Variants in NAV1 observed in about 807,000 individuals in gnomAD.
NAV1 encodes the protein pore membrane and/or filament interacting like protein 3.
NAV1 carries 18 observed loss-of-function variants against 175.2 expected under a neutral mutation model. The observed-to-expected ratio is 0.10, with a 90% CI of 0.07 to 0.15. The LOEUF (loss-of-function observed/expected upper bound fraction) is 0.15. Ranked by LOEUF, NAV1 falls within the 10% of genes least tolerant of loss-of-function variation. The pLI, the probability that NAV1 is intolerant of heterozygous loss-of-function variation, is 1.00. For missense variants in NAV1, 1,731 were observed against 2,436.6 expected (o/e 0.71, Z 6.10); for synonymous variants, 897 against 978.7 (o/e 0.92, Z 1.56).
intron 3 of NAV1, among the ~76,000 whole-genome samples, chr1:201,779,384 G>A (rs1415718520): frequency 1.3e-5 from 2 of 151,428 alleles, no homozygotes; most frequent in East Asian, 3.9e-4. Flanking sequence ...TTGAGGTCAG[G>A]GGTTCAAGAC....
intron 3 of NAV1, among the ~76,000 whole-genome samples, chr1:201,751,687 T>C (rs1396335942): frequency 6.6e-6 from 1 of 152,246 alleles, no homozygotes; most frequent in African/African-American, 2.4e-5. Context: ...CAAAAATGTT[T>C]GGTAAAGCTG....
chr1:201,804,622 C>T (rs920967973), intron 17 of NAV1, 125 bp downstream of exon 21: 11 of 884,358 alleles, frequency 1.2e-5, no homozygotes, highest in African/African-American at 3.5e-5. Flanking sequence ...ACTCATAACA[C>T]TAACTGTAAC....
rs115717100 is a variant in NAV1 at position 201,753,648 on chromosome 1, G to A, written c.1227-26773G>A. Among the ~76,000 whole-genome samples the A allele has an allele frequency of 2.2e-3, 332 of 152,250 alleles. 4 individuals carry two copies. Among genetic ancestry groups the A allele is most frequent in the African/African-American group, 7.9e-3 (329 of 41,554 alleles). On this transcript the variant is annotated intron_variant, in intron 3 of 29. Coordinates refer to ENST00000367296, the Ensembl canonical transcript of NAV1. ...TTCCACAGAAATGACAAGGCTTCAGGCTCTCAAGAAGCTCTCATCATGAGA... is the reference window on the plus strand; with the variant it reads ...TTCCACAGAAATGACAAGGCTTCAGACTCTCAAGAAGCTCTCATCATGAGA...
At chr1:201,713,675 C>T (rs1448050639) in intron 2 of NAV1, among the ~76,000 whole-genome samples, 1 of 152,096 alleles carries the variant, frequency 6.6e-6, no homozygotes, top group Non-Finnish European at 1.5e-5. Flanking sequence ...CTGGGGACAG[C>T]GGGAGGCAGA....
chr1:201,593,311 G>T (rs563352197), intron 2 of NAV1, among the ~76,000 whole-genome samples: 1 of 152,158 alleles, frequency 6.6e-6, no homozygotes, highest in East Asian at 1.9e-4. Flanking sequence ...GGGTCCTCGG[G>T]CCTCAATCCA....
intron 3 of NAV1, among the ~76,000 whole-genome samples, chr1:201,720,725 T>C (rs894612351): frequency 1.3e-5 from 2 of 152,354 alleles, no homozygotes; most frequent in Middle Eastern, 6.8e-3. Context: ...TGGGTTAATA[T>C]ATGTAAAGTA....
Position 201,813,204 on chromosome 1 carries a change from G to A in NAV1, c.5286G>A (p.Leu1762=), listed in dbSNP as rs1191872929. The A allele has an allele frequency of 2.5e-6, 4 of 1,614,032 alleles. No homozygotes were observed. Among genetic ancestry groups the A allele is most frequent in the Non-Finnish European group, 3.4e-6 (4 of 1,180,022 alleles). ...ACTTCCGGACCTGGTTCATTGACCT[G>A]TGGAACAACTCTATCATTCCCTATC... Residue 1762 remains leucine (L), a synonymous_variant, in exon 28 of 30, where the codon CTG becomes CTA. Transcript: ENST00000367296. The surrounding 1 kb of genome is among the most constrained non-coding windows in gnomAD (Gnocchi z 4.2).
In NAV1 at chr1:201,734,173, T is replaced by C. The variant is rs193262123; in HGVS notation, c.1226+15418T>C. ...CTCTCATCCTAGCCCTTTGGAAGGC[T>C]TAGGCGGGCGGATTGCTTGAGCCCA... On this transcript the variant is annotated intron_variant, in intron 3 of 29. Coordinates refer to ENST00000367296, the Ensembl canonical transcript of NAV1. 5.9e-4 allele frequency among the ~76,000 whole-genome samples: 89 copies of C among 152,078 alleles called. 2 individuals are homozygous for C. The highest frequency in any genetic ancestry group is 5.4e-3 in the Admixed American group (82 of 15,272).
At chr1:201,695,599 G>T (rs1050097089) in intron 1 of NAV1, among the ~76,000 whole-genome samples, 2 of 152,222 alleles carry the variant, frequency 1.3e-5, no homozygotes, top group Admixed American at 6.5e-5. Flanking sequence ...TGGGAATTTG[G>T]CTCTATTTAC....
intron 3 of NAV1, chr1:201,739,906 C>T (rs1021683318): frequency 5.4e-6 from 7 of 1,300,200 alleles, no homozygotes; most frequent in Non-Finnish European, 5.9e-6. Context: ...GGTTAGGTTT[C>T]CGACCCTCCG....
At chr1:201,581,557 G>A (rs1307409095) in intron 1 of NAV1, among the ~76,000 whole-genome samples, 1 of 152,126 alleles carries the variant, frequency 6.6e-6, no homozygotes, top group East Asian at 1.9e-4. Context: ...GGCCGGGCGC[G>A]GTGGCTCATG....
exon 2 of NAV1, chr1:201,712,908 G>T (rs748140285): frequency 6.2e-7 from 1 of 1,613,446 alleles, no homozygotes; most frequent in African/African-American, 1.3e-5. Flanking sequence ...GAGGGTCCCA[G>T]GTGACTCACA....
In NAV1 at chr1:201,607,021, A is replaced by G. The variant is rs547154788; in HGVS notation, c.-32-15832A>G. Reference sequence around the variant, plus strand: ...AATAATCAGAGTCCCAAGCAAAACTATTTTGGATGTTTGTCGCACTGTTAT... The same window carrying G: ...AATAATCAGAGTCCCAAGCAAAACTGTTTTGGATGTTTGTCGCACTGTTAT... On this transcript the variant is annotated intron_variant, in intron 2 of 33. Coordinates refer to the NAV1 transcript ENST00000685211. 1.4e-4 allele frequency among the ~76,000 whole-genome samples: 22 copies of G among 152,040 alleles called. No homozygotes were observed. In the South Asian group the frequency reaches 4.6e-3, roughly 32 times the overall value.
intron 24 of NAV1, among the ~76,000 whole-genome samples, chr1:201,811,200 A>G (rs1678672585): frequency 6.6e-6 from 1 of 152,168 alleles, no homozygotes; most frequent in Non-Finnish European, 1.5e-5. Flanking sequence ...TCTGGGAAGA[A>G]GCACTCAGAA....
intron 1 of NAV1, among the ~76,000 whole-genome samples, chr1:201,627,614 T>C (rs1668371857): frequency 6.7e-6 from 1 of 149,890 alleles, no homozygotes; most frequent in Non-Finnish European, 1.5e-5. Context: ...ATTGCATACC[T>C]GCTCTGGCCC....
chr1:201,817,607 T>C (rs1381275032), intron 29 of NAV1, among the ~76,000 whole-genome samples: 1 of 152,154 alleles, frequency 6.6e-6, no homozygotes, highest in Non-Finnish European at 1.5e-5. Flanking sequence ...TCTGGGGTTA[T>C]AAAGATCATA....
chr1:201,617,108 A>AG (rs1668023744), intron 2 of NAV1, among the ~76,000 whole-genome samples: 1 of 152,130 alleles, frequency 6.6e-6, no homozygotes, highest in African/African-American at 2.4e-5. Context: ...TTATTCACTG[A>AG]GGTTAAGTGA....
At chr1:201,820,160 A>ATTTACTGG in exon 30 of NAV1, 1 of 490,200 alleles carries the variant, frequency 2.0e-6, no homozygotes, top group Non-Finnish European at 3.7e-6. Flanking sequence ...CCCTAAACAC[A>ATTTACTGG]TTTACTGGCC....
At position 201,642,996 on chromosome 1, in the gene NAV1, A is replaced by T. The variant is rs11809777; in HGVS notation, c.5-5638A>T. Among the ~76,000 whole-genome samples, 541 of 151,796 alleles carry T rather than the reference A, an allele frequency of 3.6e-3. 2 individuals carry two copies. The highest frequency in any genetic ancestry group is 0.012 in the African/African-American group (492 of 41,406). On this transcript the variant is annotated intron_variant, in intron 2 of 29. Transcript: ENST00000367302. ...TCACCGTGTTAGCCAGGATGGTCTCAATCTCCTGACCTCGTGATCCGTCCG... is the reference window on the plus strand; with the variant it reads ...TCACCGTGTTAGCCAGGATGGTCTCTATCTCCTGACCTCGTGATCCGTCCG...
Sources: allele counts gnomAD v4.1 joint callset (sites outside exome capture counted in the v4.1 genomes callset), GRCh38; gene constraint gnomAD v4.1.1; non-coding constraint Gnocchi (gnomAD v3.1); transcripts MANE v1.5; gene names NCBI Gene and HGNC (gene_info 2026-07-23, HGNC 2026-07-21).